The following NLGN1 variants were observed in gnomAD, a reference collection of about 807,000 sequenced individuals.
NLGN1 encodes neuroligin-1.
A neutral mutation model predicts 65.5 loss-of-function variants in NLGN1; 12 were observed. The observed-to-expected ratio is 0.18, with a 90% CI of 0.12 to 0.30. NLGN1 has a LOEUF of 0.30. Among genes scored for constraint, NLGN1 ranks in the 10% least tolerant of loss-of-function variants. The pLI is 1.00. For synonymous variants in NLGN1, 350 were observed against 359.5 expected (o/e 0.97, Z 0.30); for missense variants, 750 against 1,007.1 (o/e 0.74, Z 3.46).
At chr3:173,600,439 A>G (rs1439412706) in intron 2 of NLGN1, among the ~76,000 whole-genome samples, 3 of 152,024 alleles carry the variant, frequency 2.0e-5, no homozygotes, top group African/African-American at 4.8e-5. Flanking sequence ...ACAAATTTTC[A>G]TATACATTTT....
chr3:173,787,906 A>G (rs951779788), intron 3 of NLGN1, among the ~76,000 whole-genome samples: 2 of 152,240 alleles, frequency 1.3e-5, no homozygotes, highest in African/African-American at 2.4e-5. Context: ...TTTAAACGTG[A>G]TCACAGATTA....
At chr3:173,749,304 G>A (rs977873516) in intron 3 of NLGN1, among the ~76,000 whole-genome samples, 3 of 152,008 alleles carry the variant, frequency 2.0e-5, no homozygotes, top group African/African-American at 7.2e-5. Flanking sequence ...AAATAGTTCA[G>A]TCAAAGGACT....
intron 4 of NLGN1, among the ~76,000 whole-genome samples, chr3:174,014,458 C>T (rs1168845528): frequency 2.0e-5 from 3 of 152,182 alleles, no homozygotes; most frequent in African/African-American, 7.2e-5. Flanking sequence ...CGCTGCAAGG[C>T]ACTATTTAAA....
At chr3:173,464,500 A>G (rs1267341573) in intron 2 of NLGN1, among the ~76,000 whole-genome samples, 4 of 148,190 alleles carry the variant, frequency 2.7e-5, no homozygotes, top group Admixed American at 6.8e-5. Context: ...CAATGGCGCA[A>G]TCTCGGCTCA....
At chr3:173,761,778 C>G (rs964198566) in intron 3 of NLGN1, among the ~76,000 whole-genome samples, 4 of 152,064 alleles carry the variant, frequency 2.6e-5, no homozygotes, top group East Asian at 1.9e-4. Flanking sequence ...GTTCTTGTAG[C>G]CTTTGTTCTC....
At chr3:174,082,338 G>A (rs1261570101) in intron 4 of NLGN1, among the ~76,000 whole-genome samples, 2 of 151,616 alleles carry the variant, frequency 1.3e-5, no homozygotes, top group Non-Finnish European at 2.9e-5. Flanking sequence ...TAGATCATTG[G>A]GCTAGTGAAA....
chr3:173,862,926 A>G (rs1043045532), intron 4 of NLGN1, among the ~76,000 whole-genome samples: 5 of 152,106 alleles, frequency 3.3e-5, no homozygotes, highest in African/African-American at 1.2e-4. Flanking sequence ...TAACCCCTAT[A>G]CCCATTATAA....
intron 4 of NLGN1, among the ~76,000 whole-genome samples, chr3:174,209,658 G>T (rs1577368038): frequency 9.2e-6 from 1 of 108,474 alleles, no homozygotes. Flanking sequence ...TTGAGACAGA[G>T]TCTTACTCTT....
At chr3:173,519,746 T>G (rs952499012) in intron 2 of NLGN1, among the ~76,000 whole-genome samples, 1 of 152,142 alleles carries the variant, frequency 6.6e-6, no homozygotes, top group African/African-American at 2.4e-5. Context: ...TAAGTGACTT[T>G]CCTTATCTCA....
intron 4 of NLGN1, among the ~76,000 whole-genome samples, chr3:174,170,752 G>T (rs753190352): frequency 2.0e-5 from 3 of 152,106 alleles, no homozygotes; most frequent in Non-Finnish European, 4.4e-5. Flanking sequence ...ATAATGAAGA[G>T]ATTTTTAGAT....
intron 3 of NLGN1, among the ~76,000 whole-genome samples, chr3:173,734,901 C>T (rs1330086370): frequency 6.6e-6 from 1 of 152,030 alleles, no homozygotes; most frequent in Non-Finnish European, 1.5e-5. Flanking sequence ...GAATAAAGAG[C>T]ATGGAATAAT....
intron 4 of NLGN1, among the ~76,000 whole-genome samples, chr3:173,984,612 C>T (rs1407993364): frequency 6.6e-6 from 1 of 152,130 alleles, no homozygotes; most frequent in Non-Finnish European, 1.5e-5. Context: ...TTATTTAACC[C>T]AACATTTATC....
At chr3:173,799,205 C>T (rs542478322) in intron 3 of NLGN1, among the ~76,000 whole-genome samples, 1 of 151,722 alleles carries the variant, frequency 6.6e-6, no homozygotes, top group South Asian at 2.1e-4. Flanking sequence ...ACTTGAGTGT[C>T]GTGTGTTTGT....
intron 3 of NLGN1, among the ~76,000 whole-genome samples, chr3:173,739,846 A>G (rs1379968009): frequency 6.6e-6 from 1 of 152,130 alleles, no homozygotes. Context: ...TTTGCATGGC[A>G]AGATAATGCC....
At chr3:174,013,557 A>G (rs1465809139) in intron 4 of NLGN1, among the ~76,000 whole-genome samples, 1 of 152,248 alleles carries the variant, frequency 6.6e-6, no homozygotes, top group Non-Finnish European at 1.5e-5. Context: ...GCTTAAAATT[A>G]TTGGTGATTG....
At chr3:174,272,368 A>G (rs2160978) in intron 4 of NLGN1, among the ~76,000 whole-genome samples, 33,276 of 151,652 alleles carry the variant, frequency 0.22, 3,803 homozygotes, top group Middle Eastern at 0.28. Context: ...GTCAATGTAC[A>G]TCACTTGAGT....
At chr3:174,282,264 G>T (rs1341820698) in exon 7 of NLGN1, 1 of 152,056 alleles carries the variant, frequency 6.6e-6, no homozygotes, top group Non-Finnish European at 1.5e-5. Context: ...TCTATAAGTT[G>T]CTGTGTTTTT....
chr3:174,263,077 C>T (rs1399514853), intron 4 of NLGN1, among the ~76,000 whole-genome samples: 23 of 144,392 alleles, frequency 1.6e-4, no homozygotes, highest in African/African-American at 5.5e-4. Context: ...TGTTCTTTTA[C>T]ATTTGCTGAG....
chr3:173,861,548 GTGTGTGTGTA>G (rs767310434), intron 4 of NLGN1, among the ~76,000 whole-genome samples: 98 of 142,116 alleles, frequency 6.9e-4, no homozygotes, highest in African/African-American at 2.2e-3. Context: ...GTGTGTGTGT[GTGTGTGTGTA>G]TATACACACA....
Sources: allele counts gnomAD v4.1 joint callset (sites outside exome capture counted in the v4.1 genomes callset), GRCh38; gene constraint gnomAD v4.1.1; transcripts MANE v1.5; gene names NCBI Gene and HGNC (gene_info 2026-07-23, HGNC 2026-07-21).